The following RIT2 variants were observed in gnomAD, a reference collection of about 807,000 sequenced individuals.
RIT2 encodes Ras like without CAAX 2.
RIT2 carries 24 observed loss-of-function variants against 23.7 expected under a neutral mutation model. The ratio of observed to expected loss-of-function variants is 1.01; its 90% CI spans 0.73 to 1.43. RIT2 has a LOEUF of 1.43. RIT2 is among the 40% of genes most tolerant of loss of function. The pLI is 0.00. For synonymous variants in RIT2, 107 were observed against 91.1 expected (o/e 1.17, Z -0.99); for missense variants, 236 against 266.9 (o/e 0.88, Z 0.81).
At position 42,947,654 on chromosome 18, in the gene RIT2, A is replaced by G. The variant is rs190595346; in HGVS notation, c.235-23891T>C. ...TATACAGAGAATGAGGCCATGAATC[A>G]GCAACACTGCTACTATCCCAACATA... On this transcript the variant is annotated intron_variant, in intron 3 of 4. Transcript: ENST00000326695. 2.8e-4 allele frequency among the ~76,000 whole-genome samples: 43 copies of G among 152,230 alleles called. 2 individuals carry two copies. The highest frequency in any genetic ancestry group is 2.4e-3 in the Admixed American group (36 of 15,262).
At chr18:43,102,472 G>T (rs1042955314) in intron 1 of RIT2, among the ~76,000 whole-genome samples, 2 of 128,614 alleles carry the variant, frequency 1.6e-5, no homozygotes, top group Admixed American at 7.8e-5. Context: ...TTTTTTTCCG[G>T]AGAGTAGTCC....
intron 4 of RIT2, among the ~76,000 whole-genome samples, chr18:42,887,761 G>A (rs2144088782): frequency 6.6e-6 from 1 of 152,244 alleles, no homozygotes; most frequent in East Asian, 1.9e-4. Context: ...AAGCAACCAA[G>A]TTGCCTCACA....
intron 3 of RIT2, among the ~76,000 whole-genome samples, chr18:42,958,658 T>C (rs1214116047): frequency 2.6e-5 from 4 of 152,114 alleles, no homozygotes; most frequent in Non-Finnish European, 5.9e-5. Flanking sequence ...CGTCAGACCA[T>C]GTCCAGACCA....
At chr18:42,993,213 C>T (rs112399347) in intron 2 of RIT2, among the ~76,000 whole-genome samples, 4 of 152,184 alleles carry the variant, frequency 2.6e-5, no homozygotes, top group East Asian at 1.9e-4. Context: ...TCCTAAGCCA[C>T]GTCCTGTCTA....
In RIT2 at chr18:42,923,975, T is replaced by C. The variant is rs547710811; in HGVS notation, c.235-212A>G. ...CTTAGGGATTATATAAAGATGATTT[T>C]TTTTTAATTTGTAATGACCTCACTT... On this transcript the variant is annotated intron_variant, in intron 3 of 4. Coordinates refer to ENST00000326695, the MANE Select transcript of RIT2 (RefSeq NM_002930.4). 2.6e-5 allele frequency among the ~76,000 whole-genome samples: 4 copies of C among 152,018 alleles called. No individual in the cohort carries two copies. The East Asian group carries it at 7.7e-4, about 29-fold the overall frequency.
At position 42,879,277 on chromosome 18, in the gene RIT2, C is replaced by G. The variant is rs141274126; in HGVS notation, c.426+44295G>C. 1.4e-3 allele frequency among the ~76,000 whole-genome samples: 214 copies of G among 152,182 alleles called. 1 individual carries two copies. Among genetic ancestry groups the G allele is most frequent in the African/African-American group, 4.9e-3 (203 of 41,536 alleles). ...ACATTTTCTCCTGTATTGTTCTACT[C>G]CTTCATTGTAACAGAGAATATCTTC... is the stretch of plus-strand genomic sequence containing the variant. On this transcript the variant is annotated intron_variant, in intron 4 of 4. Transcript: ENST00000326695.
chr18:43,031,153 A>G (rs1455235516), intron 2 of RIT2, among the ~76,000 whole-genome samples: 1 of 151,456 alleles, frequency 6.6e-6, no homozygotes, highest in Non-Finnish European at 1.5e-5. Flanking sequence ...CGGTGCCTAT[A>G]CTTTTTGTTT....
At chr18:42,965,356 TG>T (rs1191453083) in intron 3 of RIT2, among the ~76,000 whole-genome samples, 2 of 152,212 alleles carry the variant, frequency 1.3e-5, no homozygotes, top group African/African-American at 4.8e-5. Flanking sequence ...AGAGGTCATA[TG>T]ATCTATATGC....
chr18:42,923,881 T>A, intron 3 of RIT2, 118 bp from the exon 4 acceptor site: 1 of 803,724 alleles, frequency 1.2e-6, no homozygotes, highest in East Asian at 2.9e-5. Context: ...TATTGATATT[T>A]AATCATAGGA....
chr18:42,914,888 C>A (rs1436363652), intron 4 of RIT2, among the ~76,000 whole-genome samples: 1 of 151,856 alleles, frequency 6.6e-6, no homozygotes, highest in Non-Finnish European at 1.5e-5. Flanking sequence ...GAGAAGGATG[C>A]ACAGGGTTTT....
chr18:42,954,949 CTTGTG>C (rs1909938381), intron 3 of RIT2, among the ~76,000 whole-genome samples: 1 of 152,132 alleles, frequency 6.6e-6, no homozygotes, highest in Admixed American at 6.6e-5. Context: ...CTTAACAATA[CTTGTG>C]TTGTTGGGCA....
chr18:42,853,324 C>A (rs1907104676), intron 4 of RIT2, among the ~76,000 whole-genome samples: 1 of 152,174 alleles, frequency 6.6e-6, no homozygotes, highest in South Asian at 2.1e-4. Flanking sequence ...TAATAACAAG[C>A]TACGCTATAC....
At chr18:42,983,330 A>G (rs1216605033) in intron 2 of RIT2, among the ~76,000 whole-genome samples, 1 of 152,082 alleles carries the variant, frequency 6.6e-6, no homozygotes, top group Non-Finnish European at 1.5e-5. Flanking sequence ...AAAATCCTAG[A>G]GCTAATCTCA....
chr18:43,113,888 T>C (rs1171082721), intron 1 of RIT2, among the ~76,000 whole-genome samples: 1 of 152,160 alleles, frequency 6.6e-6, no homozygotes, highest in Non-Finnish European at 1.5e-5. Context: ...GCCTGTTTTT[T>C]TTAAATCTGT....
At chr18:42,984,489 A>G (rs1910665174) in intron 2 of RIT2, among the ~76,000 whole-genome samples, 1 of 152,076 alleles carries the variant, frequency 6.6e-6, no homozygotes, top group South Asian at 2.1e-4. Context: ...TATCAATATC[A>G]ATATCCTGTT....
At chr18:42,851,744 AGAGGCT>A (rs1245601878) in intron 4 of RIT2, among the ~76,000 whole-genome samples, 2 of 152,106 alleles carry the variant, frequency 1.3e-5, no homozygotes, top group African/African-American at 4.8e-5. Flanking sequence ...CAGCTACTCC[AGAGGCT>A]GAGGCAGGGG....
intron 2 of RIT2, among the ~76,000 whole-genome samples, chr18:42,991,523 C>T (rs1377794413): frequency 2.0e-5 from 3 of 152,176 alleles, no homozygotes; most frequent in Admixed American, 6.5e-5. Context: ...CCAAGCTAAG[C>T]CATCATATCC....
chr18:43,026,796 T>G (rs1290667780), intron 2 of RIT2, among the ~76,000 whole-genome samples: 1 of 150,988 alleles, frequency 6.6e-6, no homozygotes, highest in Non-Finnish European at 1.5e-5. Context: ...AGTATGAAAT[T>G]CAAGAGAGAA....
intron 4 of RIT2, among the ~76,000 whole-genome samples, chr18:42,761,143 T>C (rs1002637012): frequency 6.6e-6 from 1 of 152,246 alleles, no homozygotes; most frequent in East Asian, 1.9e-4. Flanking sequence ...CTTGTTGTTT[T>C]CCCATATGTT....
Sources: allele counts gnomAD v4.1 joint callset (sites outside exome capture counted in the v4.1 genomes callset), GRCh38; gene constraint gnomAD v4.1.1; transcripts MANE v1.5; gene names NCBI Gene and HGNC (gene_info 2026-07-23, HGNC 2026-07-21).